The following DOCK10 variants were observed in gnomAD, a reference collection of about 807,000 sequenced individuals.
DOCK10 encodes the protein dedicator of cytokinesis protein 10.
A neutral mutation model predicts 280.1 loss-of-function variants in DOCK10; 145 were observed. The observed-to-expected ratio is 0.52, with a 90% CI of 0.45 to 0.59. The LOEUF is 0.59. Among genes scored for constraint, DOCK10 ranks in the 20% least tolerant of loss-of-function variants. DOCK10 has a pLI of 0.00. For synonymous variants in DOCK10, 915 were observed against 942.2 expected (o/e 0.97, Z 0.53); for missense variants, 2,368 against 2,651.7 (o/e 0.89, Z 2.35).
chr2:224,921,134 T>TATATATATATATATATATAA (rs1210407698), intron 2 of DOCK10, among the ~76,000 whole-genome samples: 2 of 109,184 alleles, frequency 1.8e-5, no homozygotes, highest in African/African-American at 8.6e-5. Flanking sequence ...TATATATATA[T>TATATATATATATATATATAA]AATGTATATA....
chr2:224,771,043 G>A (rs369668774), intron 53 of DOCK10, among the ~76,000 whole-genome samples: 3 of 151,876 alleles, frequency 2.0e-5, no homozygotes, highest in South Asian at 2.1e-4. Flanking sequence ...TAATCCTCTC[G>A]CCTCAGCCTC....
In DOCK10 at chr2:225,042,233, G is replaced by C. The variant is rs948736182; in HGVS notation, c.123+19C>G. On this transcript the variant is annotated intron_variant, in intron 1 of 55. Coordinates refer to ENST00000258390, the MANE Select transcript of DOCK10 (RefSeq NM_014689.3). The surrounding 1 kb of genome is among the most constrained non-coding windows in gnomAD (Gnocchi z 5.1). ...CGCCTGGGGCGCGCGGGAAGGCGCG[G>C]AGGACGCGCCGCACTCACCCGCTGC... 7 of 1,247,856 alleles carry C rather than the reference G, an allele frequency of 5.6e-6. No homozygotes were observed. In the East Asian group the frequency reaches 1.9e-4, roughly 35 times the overall value. 77.3% of individuals were successfully genotyped at this position (1,247,856 alleles called of 1,614,324 possible).
At chr2:224,951,778 C>A (rs939156517) in intron 1 of DOCK10, among the ~76,000 whole-genome samples, 1 of 152,082 alleles carries the variant, frequency 6.6e-6, no homozygotes, top group African/African-American at 2.4e-5. Flanking sequence ...TCTGGAGGCT[C>A]CAGGGGAGAA....
intron 31 of DOCK10, 91 bp from the exon 32 acceptor site, chr2:224,808,177 T>A (rs1693526326): frequency 8.6e-7 from 1 of 1,166,870 alleles, no homozygotes; most frequent in Admixed American, 2.2e-5. Flanking sequence ...ACCATCAACT[T>A]CTTCCACCAC....
chr2:224,844,064 T>G (rs553969030), intron 22 of DOCK10, among the ~76,000 whole-genome samples: 1 of 152,298 alleles, frequency 6.6e-6, no homozygotes, highest in East Asian at 1.9e-4. Flanking sequence ...TCCAATTAGG[T>G]GAGCCCTGGG....
At chr2:224,870,708 C>T (rs1430152310) in intron 11 of DOCK10, among the ~76,000 whole-genome samples, 1 of 151,912 alleles carries the variant, frequency 6.6e-6, no homozygotes. Flanking sequence ...GGTTCCTGGC[C>T]CCTTCTCTAT....
chr2:224,990,123 A>G lies in DOCK10; in HGVS notation c.123+52129T>C, dbSNP rs373773962. 2.6e-3 allele frequency among the ~76,000 whole-genome samples: 402 copies of G among 152,332 alleles called. 2 individuals are homozygous for G. The highest frequency in any genetic ancestry group is 9.4e-3 in the African/African-American group (391 of 41,570). On this transcript the variant is annotated intron_variant, in intron 1 of 55. Transcript: ENST00000258390. ...TGGCATTGATGCAGCTCAAAAGCAG[A>G]TAATTCTTTCGTTGGTACATTTGGA...
At chr2:224,902,005 A>G (rs910825511) in intron 3 of DOCK10, among the ~76,000 whole-genome samples, 1 of 152,230 alleles carries the variant, frequency 6.6e-6, no homozygotes, top group African/African-American at 2.4e-5. Context: ...TTTCTTCTGG[A>G]AATGACAACA....
Position 224,865,100 on chromosome 2 carries a change from G to T in DOCK10, c.1258-13C>A, listed in dbSNP as rs1697813935. On this transcript the variant is annotated splice_polypyrimidine_tract_variant and intron_variant, in intron 11 of 55. Transcript: ENST00000258390. ...AAAAAGGCTCAATCTGCATGAAAAAGAAAGAACAGATGTTTTTGATATAAA... is the reference window on the plus strand; with the variant it reads ...AAAAAGGCTCAATCTGCATGAAAAATAAAGAACAGATGTTTTTGATATAAA... 1 of 1,609,798 alleles carries T rather than the reference G, an allele frequency of 6.2e-7. No homozygotes were observed. Among genetic ancestry groups the T allele is most frequent in the Non-Finnish European group, 8.5e-7 (1 of 1,177,450 alleles).
chr2:224,874,570 T>G, intron 9 of DOCK10, 96 bp downstream of exon 9: 1 of 1,280,918 alleles, frequency 7.8e-7, no homozygotes, highest in Non-Finnish European at 1.1e-6. Flanking sequence ...CTTCTTGGTC[T>G]AAATCTTAAA....
intron 14 of DOCK10, chr2:224,862,183 A>T (rs116777292): frequency 6.5e-6 from 1 of 153,132 alleles, no homozygotes; most frequent in Non-Finnish European, 1.5e-5. Context: ...GCTAAACAGT[A>T]TCAAAATCAA....
chr2:224,788,755 A>T (rs1228050570), intron 48 of DOCK10, among the ~76,000 whole-genome samples: 1 of 152,206 alleles, frequency 6.6e-6, no homozygotes. Context: ...TGCTTTTAGA[A>T]AGAAAGCTAT....
chr2:224,825,061 C>T (rs1359788925), intron 27 of DOCK10, among the ~76,000 whole-genome samples: 2 of 149,460 alleles, frequency 1.3e-5, no homozygotes, highest in African/African-American at 4.9e-5. Flanking sequence ...ATCACTGCAA[C>T]CTCCGCCTCC....
chr2:224,987,585 TG>T (rs1197023938), intron 1 of DOCK10, among the ~76,000 whole-genome samples: 1 of 152,184 alleles, frequency 6.6e-6, no homozygotes, highest in Non-Finnish European at 1.5e-5. Flanking sequence ...CTAGTTGGCC[TG>T]CCAGACTGGC....
intron 1 of DOCK10, among the ~76,000 whole-genome samples, chr2:224,967,409 AAATGTTTACCCTCAGATGTCTT>A (rs1437804558): frequency 6.6e-6 from 1 of 152,162 alleles, no homozygotes; most frequent in African/African-American, 2.4e-5. Context: ...TCTGGTGTTA[AAATGTTTACCCTCAGATGTCTT>A]AATGATCTCC....
chr2:224,974,381 T>C (rs899540266), intron 1 of DOCK10, among the ~76,000 whole-genome samples: 5 of 152,108 alleles, frequency 3.3e-5, no homozygotes, highest in African/African-American at 7.2e-5. Flanking sequence ...GTAAATCAGT[T>C]CCATGAAAAT....
At chr2:224,799,510 C>A (rs942780667) in intron 41 of DOCK10, among the ~76,000 whole-genome samples, 3 of 152,200 alleles carry the variant, frequency 2.0e-5, no homozygotes, top group Non-Finnish European at 4.4e-5. Context: ...TATGTTTTCA[C>A]TTCTCCTGGG....
intron 1 of DOCK10, chr2:224,983,936 T>C: frequency 2.1e-6 from 1 of 465,418 alleles, no homozygotes; most frequent in South Asian, 1.6e-5. Context: ...GGGCATTTAC[T>C]GAAGAGAGGC....
intron 1 of DOCK10, among the ~76,000 whole-genome samples, chr2:225,034,110 C>T (rs1238853215): frequency 6.6e-6 from 1 of 152,198 alleles, no homozygotes. Flanking sequence ...AGAAACTCTT[C>T]CTATAACTAG....
Sources: gnomAD v4.1 joint callset for allele counts (sites outside exome capture counted in the v4.1 genomes callset) on GRCh38, gnomAD v4.1.1 for gene constraint, Gnocchi (gnomAD v3.1) non-coding constraint, MANE v1.5 for transcripts, NCBI Gene and HGNC (gene_info 2026-07-23, HGNC 2026-07-21) for gene names.